The following ERAP1 variants were observed in gnomAD, a reference collection of about 807,000 sequenced individuals.
The protein encoded by ERAP1 is endoplasmic reticulum aminopeptidase 1, also known as adipocyte-derived leucine aminopeptidase.
ERAP1 carries 86 observed loss-of-function variants against 103.7 expected under a neutral mutation model. That is an observed-to-expected ratio of 0.83 (90% CI 0.70 to 0.99). The LOEUF (loss-of-function observed/expected upper bound fraction) is 0.99. Ranked by LOEUF, ERAP1 falls within the 50% of genes least tolerant of loss-of-function variation. The probability of loss-of-function intolerance (pLI) is 0.00; values close to 1 mark genes in which losing one functional copy is unlikely to be tolerated. For missense variants in ERAP1, 1,009 were observed against 1,128.4 expected (o/e 0.89, Z 1.52); for synonymous variants, 398 against 402.4 (o/e 0.99, Z 0.13).
chr5:96,777,305 T>C (rs1338593299), intron 18 of ERAP1, among the ~76,000 whole-genome samples: 1 of 152,222 alleles, frequency 6.6e-6, no homozygotes, highest in Non-Finnish European at 1.5e-5. Flanking sequence ...CCTTTTCCCA[T>C]AAATTTTCAC....
the ERAP1 span, chr5:96,917,429 G>A: frequency 6.4e-7 from 1 of 1,569,476 alleles, no homozygotes; most frequent in Non-Finnish European, 8.7e-7. Flanking sequence ...CCAAGACAAA[G>A]TGTTAGTAAT....
At chr5:96,870,013 T>A in the ERAP1 span, among the ~76,000 whole-genome samples, 1 of 152,130 alleles carries the variant, frequency 6.6e-6, no homozygotes, top group African/African-American at 2.4e-5. Context: ...TAAGCTAAGA[T>A]TCTAGAAAAG....
intron 5 of ERAP1, among the ~76,000 whole-genome samples, chr5:96,794,183 T>A (rs1176138284): frequency 7.2e-6 from 1 of 139,372 alleles, no homozygotes; most frequent in African/African-American, 2.7e-5. Flanking sequence ...TTTTTTTTTT[T>A]TTTTTTTTTT....
rs138961474 is a variant in ERAP1 at position 96,775,388 on chromosome 5, CTAGT to C, written c.*1004_*1007del. ...ATTTACTGTCAGTAAATGCCAATAA[CTAGT>C]TAGTTAGAAATTGTAAAGTAGGCCA... On this transcript the variant is annotated 3_prime_UTR_variant, in exon 19 of 19. Transcript: ENST00000443439. 114,496 of 984,420 alleles carry C rather than the reference CTAGT, an allele frequency of 0.12. 7,102 individuals are homozygous for C. The highest frequency in any genetic ancestry group is 0.13 in the Middle Eastern group (248 of 1,912). 61.0% of individuals were successfully genotyped at this position (984,420 alleles called of 1,614,324 possible). A position where few individuals can be genotyped will look rare whatever the true frequency, so the allele number is the denominator to read the frequency against.
At chr5:96,813,449 T>C in the ERAP1 span, among the ~76,000 whole-genome samples, 2 of 151,832 alleles carry the variant, frequency 1.3e-5, no homozygotes, top group Non-Finnish European at 2.9e-5. Context: ...GGGCAGGAGA[T>C]CGAGACCGTC....
At chr5:96,831,977 T>A in the ERAP1 span, among the ~76,000 whole-genome samples, 3 of 152,230 alleles carry the variant, frequency 2.0e-5, no homozygotes, top group Non-Finnish European at 4.4e-5. Context: ...TGAGATAAAG[T>A]AATTAGAACT....
the ERAP1 span, among the ~76,000 whole-genome samples, chr5:96,897,752 A>G: frequency 6.6e-6 from 1 of 152,230 alleles, no homozygotes; most frequent in African/African-American, 2.4e-5. Flanking sequence ...ATAATTTTTT[A>G]TAGAACCATT....
At chr5:96,827,507 A>G in the ERAP1 span, among the ~76,000 whole-genome samples, 3 of 151,376 alleles carry the variant, frequency 2.0e-5, no homozygotes, top group African/African-American at 7.3e-5. Context: ...GCTAAAATAC[A>G]AAAAAAAATT....
intron 4 of ERAP1, among the ~76,000 whole-genome samples, chr5:96,795,712 G>A (rs1225096848): frequency 6.6e-6 from 1 of 152,190 alleles, no homozygotes; most frequent in African/African-American, 2.4e-5. Flanking sequence ...AGTGATCCCT[G>A]GACCAGTAAG....
At chr5:96,798,181 C>T (rs539343314) in intron 3 of ERAP1, among the ~76,000 whole-genome samples, 69 of 151,830 alleles carry the variant, frequency 4.5e-4, no homozygotes, top group Non-Finnish European at 9.1e-4. Context: ...AAAAATTAGC[C>T]GGGCGTGGTG....
the ERAP1 span, among the ~76,000 whole-genome samples, chr5:96,876,813 T>G: frequency 1.3e-5 from 2 of 152,224 alleles, no homozygotes; most frequent in African/African-American, 4.8e-5. Context: ...TTTTGTTCAC[T>G]GCATTGCTAT....
intron 3 of ERAP1, among the ~76,000 whole-genome samples, chr5:96,798,623 C>T (rs187882298): frequency 2.0e-5 from 3 of 151,730 alleles, no homozygotes; most frequent in Admixed American, 6.6e-5. Context: ...CTATGTTGCC[C>T]TGGCTGGTCT....
Position 96,793,528 on chromosome 5 carries a change from T to A in ERAP1, c.1075-15A>T. The stretch of plus-strand genomic sequence containing the variant: ...TTCCCAAACCACTAAAAGCACAACA[T>A]AAGCCATAAACAAAGACACTCAGAA... On this transcript the variant is annotated splice_polypyrimidine_tract_variant and intron_variant, in intron 6 of 18. Coordinates refer to ENST00000443439, the MANE Select transcript of ERAP1 (RefSeq NM_001040458.3). The A allele has an allele frequency of 6.3e-7, 1 of 1,580,686 alleles. No individual in the cohort carries two copies. The highest frequency in any genetic ancestry group is 8.7e-7 in the Non-Finnish European group (1 of 1,149,748).
the ERAP1 span, among the ~76,000 whole-genome samples, chr5:96,835,985 T>C: frequency 6.6e-6 from 1 of 152,192 alleles, no homozygotes; most frequent in Admixed American, 6.5e-5. Context: ...CGTTTCACCT[T>C]TGCTTTCACT....
At chr5:96,911,915 C>A in the ERAP1 span, among the ~76,000 whole-genome samples, 2 of 136,152 alleles carry the variant, frequency 1.5e-5, no homozygotes, top group African/African-American at 5.4e-5. Context: ...AATGGCCGGG[C>A]GCGGTGGCTC....
chr5:96,913,576 T>G, the ERAP1 span: 45 of 1,211,156 alleles, frequency 3.7e-5, 1 homozygote, highest in Admixed American at 5.3e-4. Context: ...ATCCAAATAG[T>G]TCAGTGGAGT....
the ERAP1 span, among the ~76,000 whole-genome samples, chr5:96,855,254 T>C: frequency 6.6e-6 from 1 of 152,148 alleles, no homozygotes; most frequent in Non-Finnish European, 1.5e-5. Flanking sequence ...ATTATTATAA[T>C]GACAACAAAT....
chr5:96,898,212 A>G, the ERAP1 span, among the ~76,000 whole-genome samples: 2 of 151,966 alleles, frequency 1.3e-5, no homozygotes, highest in African/African-American at 2.4e-5. Flanking sequence ...AATAATAATA[A>G]CAATAATTAA....
At chr5:96,911,186 A>G in the ERAP1 span, among the ~76,000 whole-genome samples, 1 of 152,232 alleles carries the variant, frequency 6.6e-6, no homozygotes, top group Non-Finnish European at 1.5e-5. Context: ...CGCTTAAAAA[A>G]ATCAGGATAA....
Sources: allele counts gnomAD v4.1 joint callset (sites outside exome capture counted in the v4.1 genomes callset), GRCh38; gene constraint gnomAD v4.1.1; transcripts MANE v1.5; gene names NCBI Gene and HGNC (gene_info 2026-07-23, HGNC 2026-07-21).